CTC1: variants seen among roughly 807,000 people sequenced by gnomAD.
CTC1 encodes the protein CST complex subunit CTC1.
CTC1 carries 91 observed loss-of-function variants against 136.3 expected under a neutral mutation model. The observed-to-expected ratio is 0.67, with a 90% CI of 0.56 to 0.79. CTC1 has a LOEUF of 0.79. CTC1 is among the 30% of genes least tolerant of loss of function. CTC1 has a pLI of 0.00. For missense variants in CTC1, 1,432 were observed against 1,498.1 expected (o/e 0.96, Z 0.73); for synonymous variants, 606 against 613.8 (o/e 0.99, Z 0.19).
chr17:8,228,580 C>T lies in CTC1; in HGVS notation c.3437G>A (p.Cys1146Tyr). Residue 1146 changes from cysteine (C) to tyrosine (Y), a missense_variant, in exon 22 of 23, where the codon TGT becomes TAT. By Grantham distance (194) the Cys-to-Tyr change is radical. Transcript: ENST00000651323. The stretch of plus-strand genomic sequence containing the variant: ...AGGACGGAGGACAGAGGGGCTAGTA[C>T]AAAGTGTCCAGAGGAACATGGTCAT... Reference protein sequence around the residue: ...EPMTMFLWTLCTSPSVLRPIV... With the variant: ...EPMTMFLWTLYTSPSVLRPIV... 3 of 1,614,170 alleles carry T rather than the reference C, an allele frequency of 1.9e-6. No individual in the cohort carries two copies. The highest frequency in any genetic ancestry group is 1.7e-6 in the Non-Finnish European group (2 of 1,180,012).
At position 8,232,195 on chromosome 17, in the gene CTC1, AG is replaced by A; in HGVS notation, c.2092del (p.Leu698Ter). On this transcript the variant is annotated frameshift_variant, in exon 13 of 23. Coordinates refer to ENST00000651323, the MANE Select transcript of CTC1 (RefSeq NM_025099.6). LOFTEE classifies it high-confidence loss of function. ...GCAGGGTCTGGGCACAGGCAGGATC[AG>A]GGCATCAGCCAGAAAGAACTGGACA... ...VYVQFFLADA[L>X]ILPVPRPCLH... 1 of 1,527,148 alleles carries A rather than the reference AG, an allele frequency of 6.5e-7. No individual in the cohort carries two copies. The highest frequency in any genetic ancestry group is 8.8e-7 in the Non-Finnish European group (1 of 1,140,726). 94.6% of individuals were successfully genotyped at this position (1,527,148 alleles called of 1,614,324 possible).
intron 1 of CTC1, among the ~76,000 whole-genome samples, chr17:8,245,686 C>T (rs1988616478): frequency 6.6e-6 from 1 of 152,070 alleles, no homozygotes; most frequent in Admixed American, 6.6e-5. Context: ...GCCTGTAATC[C>T]CAGCACTCTG....
Position 8,238,626 on chromosome 17 carries a change from G to C in CTC1, c.201C>G (p.Phe67Leu), listed in dbSNP as rs552540195. The change falls in exon 3 of 23, where the codon TTC becomes TTG. Residue 67 changes from phenylalanine to leucine, a missense_variant. Coordinates refer to ENST00000651323, the MANE Select transcript of CTC1 (RefSeq NM_025099.6). ...QGSTLPLSYSFVSVQDLKTHQ... is the reference protein window; with the variant it reads ...QGSTLPLSYSLVSVQDLKTHQ... ...GAGTCTTGAGGTCCTGTACTGAGAC[G>C]AAGCTGTAGAGTGAAGGGAACAGAG... The C allele has an allele frequency of 6.3e-7, 1 of 1,592,970 alleles. No homozygotes were observed. Among genetic ancestry groups the C allele is most frequent in the African/African-American group, 1.3e-5 (1 of 74,542 alleles).
Position 8,235,973 on chromosome 17 carries a change from G to A in CTC1, c.1078-14C>T, listed in dbSNP as rs778409864. 76 of 1,602,172 alleles carry A rather than the reference G, an allele frequency of 4.7e-5. No individual in the cohort carries two copies. The highest frequency in any genetic ancestry group is 5.9e-5 in the Non-Finnish European group (69 of 1,170,810). On this transcript the variant is annotated splice_polypyrimidine_tract_variant and intron_variant, in intron 6 of 22. Coordinates refer to ENST00000651323, the MANE Select transcript of CTC1 (RefSeq NM_025099.6). The stretch of plus-strand genomic sequence containing the variant: ...AGTGACTGCTCCCTGCAAACAGGCC[G>A]AGGTCCAGTTGACCACTATTTTCTT...
At chr17:8,240,481 T>G (rs1318225959) in intron 2 of CTC1, among the ~76,000 whole-genome samples, 1 of 147,024 alleles carries the variant, frequency 6.8e-6, no homozygotes, top group Admixed American at 6.6e-5. Context: ...TTAAGTGTTA[T>G]GGACGTGGAC....
At chr17:8,231,159 A>C (rs1987185115) in intron 15 of CTC1, 117 bp downstream of exon 15, 1 of 880,688 alleles carries the variant, frequency 1.1e-6, no homozygotes, top group East Asian at 2.6e-5. Context: ...ACAAACAAAA[A>C]CAACAATAAC....
chr17:8,247,968 GA>G (rs1241261788), intron 1 of CTC1, 35 bp downstream of exon 1: 1 of 1,599,058 alleles, frequency 6.3e-7, no homozygotes, highest in Non-Finnish European at 8.5e-7. Flanking sequence ...TGACAAACAA[GA>G]AAAAAGGAAC....
At chr17:8,242,060 C>A (rs1406311219) in intron 2 of CTC1, among the ~76,000 whole-genome samples, 10 of 151,528 alleles carry the variant, frequency 6.6e-5, no homozygotes, top group African/African-American at 2.4e-4. Flanking sequence ...TATGGAGTTT[C>A]GCTCTTGTTG....
chr17:8,247,956 T>C (rs1988905811), intron 1 of CTC1, 48 bp downstream of exon 1: 1 of 1,579,790 alleles, frequency 6.3e-7, no homozygotes, highest in Admixed American at 1.7e-5. Context: ...AAAGAGTATC[T>C]GTGACAAACA....
chr17:8,234,305 T>C (rs1987497485), intron 10 of CTC1, 150 bp downstream of exon 10: 13 of 774,348 alleles, frequency 1.7e-5, no homozygotes, highest in Non-Finnish European at 2.6e-5. Context: ...GCAGAGAGAA[T>C]GAATTGGAGG....
At chr17:8,237,950 C>A in intron 4 of CTC1, 81 bp downstream of exon 4, 1 of 1,139,182 alleles carries the variant, frequency 8.8e-7, no homozygotes, top group South Asian at 1.4e-5. Flanking sequence ...TATCAATGCC[C>A]TTTTCTTTCT....
At chr17:8,246,669 G>GA (rs1988738268) in intron 1 of CTC1, among the ~76,000 whole-genome samples, 1 of 152,008 alleles carries the variant, frequency 6.6e-6, no homozygotes, top group African/African-American at 2.4e-5. Context: ...GGCAGATCAC[G>GA]ACGTCAGGAG....
At position 8,234,931 on chromosome 17, in the gene CTC1, G is replaced by C; in HGVS notation, c.1440-5C>G. 6.3e-7 allele frequency: 1 copy of C among 1,594,330 alleles called. No homozygotes were observed. Among genetic ancestry groups the C allele is most frequent in the South Asian group, 1.1e-5 (1 of 88,286 alleles). ...CTCAGCACATGGGGACACAGCCTTG[G>C]CCAGGAAAAGCAGCACAGTCACTTC... On this transcript the variant is annotated splice_region_variant and splice_polypyrimidine_tract_variant and intron_variant, in intron 8 of 22. Transcript: ENST00000651323.
Position 8,226,702 on chromosome 17 carries a change from G to C in CTC1, c.*1478C>G, listed in dbSNP as rs146427367. ...CTCGGCCACGACTACGAGGCTTAGG[G>C]CTTCGTTTTCATCCAATGCCTTTCT... is the stretch of plus-strand genomic sequence containing the variant. On this transcript the variant is annotated 3_prime_UTR_variant, in exon 23 of 23. Transcript: ENST00000651323. 2 of 152,168 alleles carry C rather than the reference G, an allele frequency of 1.3e-5. No homozygotes were observed. Among genetic ancestry groups the C allele is most frequent in the Non-Finnish European group, 2.9e-5 (2 of 68,046 alleles). 9.4% of individuals were successfully genotyped at this position (152,168 alleles called of 1,614,324 possible).
In CTC1 at chr17:8,233,027, T is replaced by C; in HGVS notation, c.1824A>G (p.Leu608=). The C allele has an allele frequency of 6.2e-7, 1 of 1,613,940 alleles. No homozygotes were observed. The highest frequency in any genetic ancestry group is 8.5e-7 in the Non-Finnish European group (1 of 1,179,904). The change falls in exon 11 of 23, where the codon TTA becomes TTG. Residue 608 remains leucine (L), a synonymous_variant. Coordinates refer to ENST00000651323, the MANE Select transcript of CTC1 (RefSeq NM_025099.6). ...GAGATGAAGCCACCAGAACCCCAAG[T>C]AAAACCTGCAAGAAGATGAAGGTTG... ...LPSAFCPAQV[L]LGVLVASSHK...
chr17:8,237,406 G>T lies in CTC1; in HGVS notation c.761C>A (p.Pro254Gln). The T allele has an allele frequency of 6.2e-7, 1 of 1,614,038 alleles. No individual in the cohort carries two copies. The highest frequency in any genetic ancestry group is 8.5e-7 in the Non-Finnish European group (1 of 1,179,996). Residue 254 changes from proline to glutamine, a missense_variant, in exon 5 of 23, where the codon CCA (proline) becomes CAA (glutamine). Transcript: ENST00000651323. ...GATGATGGACACGTGGGTGACAGCT[G>T]GGTGTGATCTACCAAGAGACAGGAT... is the stretch of plus-strand genomic sequence containing the variant. ...YFILSLGRSHPAVTHVSIIVQ... is the reference protein window; with the variant it reads ...YFILSLGRSHQAVTHVSIIVQ...
chr17:8,243,206 G>A (rs1485454709), intron 1 of CTC1, 58 bp from the exon 2 acceptor site: 1 of 1,536,682 alleles, frequency 6.5e-7, no homozygotes, highest in Admixed American at 2.0e-5. Flanking sequence ...AAGGAAACTT[G>A]GGAAGAATAA....
rs369209127 is a variant in CTC1, at chr17:8,228,519, C to G, written c.3498G>C (p.Ser1166=). Residue 1166 remains serine, a synonymous_variant, in exon 22 of 23, where the codon TCG becomes TCC. Transcript: ENST00000651323. Reference sequence around the variant, plus strand: ...CAACCTTACCTAATGGGACGATCTTCGACGGTTTCCTTTCCAGCTCAAAAG... The same window carrying G: ...CAACCTTACCTAATGGGACGATCTTGGACGGTTTCCTTTCCAGCTCAAAAG... The part of the protein sequence containing the change: ...VLSFELERKP[S]KIVPLEPPRL... 1 of 1,613,964 alleles carries G rather than the reference C, an allele frequency of 6.2e-7. No homozygotes were observed. Among genetic ancestry groups the G allele is most frequent in the African/African-American group, 1.3e-5 (1 of 74,878 alleles).
intron 18 of CTC1, 35 bp downstream of exon 18, chr17:8,229,856 C>T (rs754078292): frequency 6.4e-7 from 1 of 1,571,136 alleles, no homozygotes; most frequent in African/African-American, 1.4e-5. Context: ...AGATGTGAAG[C>T]CAGGAAGTTT....
Sources: allele counts gnomAD v4.1 joint callset (sites outside exome capture counted in the v4.1 genomes callset), GRCh38; gene constraint gnomAD v4.1.1; transcripts MANE v1.5; gene names NCBI Gene and HGNC (gene_info 2026-07-23, HGNC 2026-07-21).